CCAR2: variants seen among roughly 807,000 people sequenced by gnomAD.
CCAR2 encodes cell cycle and apoptosis regulator 2.
Under a neutral mutation model 108.1 loss-of-function variants are expected in CCAR2, and 21 were observed. The observed-to-expected ratio is 0.19, with a 90% CI of 0.14 to 0.28. The LOEUF (loss-of-function observed/expected upper bound fraction) is 0.28. Among genes scored for constraint, CCAR2 ranks in the 10% least tolerant of loss-of-function variants. CCAR2 has a pLI of 1.00. For missense variants in CCAR2, 1,126 were observed against 1,177.0 expected, an observed-to-expected ratio of 0.96 and a Z score of 0.63; for synonymous variants, 577 against 472.8, an observed-to-expected ratio of 1.22 and a Z score of -2.86.
chr8:22,611,707 GT>G (rs1325018029), intron 7 of CCAR2, among the ~76,000 whole-genome samples: 2 of 152,086 alleles, frequency 1.3e-5, no homozygotes, highest in Non-Finnish European at 2.9e-5. Flanking sequence ...AATCCTGAGT[GT>G]TTTAATGGCT....
chr8:22,616,280 T>C lies in CCAR2; in HGVS notation c.1845+32T>C, dbSNP rs200871235. 3.1e-4 allele frequency: 494 copies of C among 1,597,316 alleles called. No individual in the cohort carries two copies. The African/African-American group carries it at 6.2e-3, about 20-fold the overall frequency. Reference sequence around the variant, plus strand: ...ACCCTGCCACCTCGGGCTGTCATAGTGCTTACCGTGACCGCGCACCTTTAC... The same window carrying C: ...ACCCTGCCACCTCGGGCTGTCATAGCGCTTACCGTGACCGCGCACCTTTAC... On this transcript the variant is annotated intron_variant, in intron 14 of 20. Coordinates refer to ENST00000308511, the MANE Select transcript of CCAR2 (RefSeq NM_001393997.1).
chr8:22,620,647 G>C (rs551676243), downstream of CCAR2: 2 of 152,172 alleles, frequency 1.3e-5, no homozygotes, highest in Non-Finnish European at 2.9e-5. Flanking sequence ...CTGCTGCTCC[G>C]TGGAGGGCAG....
chr8:22,607,193 C>T lies in CCAR2; in HGVS notation c.358-3C>T, dbSNP rs778655163. 24 of 1,613,764 alleles carry T rather than the reference C, an allele frequency of 1.5e-5. No homozygotes were observed. The Admixed American group carries it at 3.0e-4, about 20-fold the overall frequency. On this transcript the variant is annotated splice_polypyrimidine_tract_variant and splice_region_variant and intron_variant, in intron 5 of 20. Transcript: ENST00000308511. Reference sequence around the variant, plus strand: ...CCTGAATTTCCTGGCTCCTGTTCTGCAGCCCCTACTGAAGTCCCCAGCACC... The same window carrying T: ...CCTGAATTTCCTGGCTCCTGTTCTGTAGCCCCTACTGAAGTCCCCAGCACC...
Position 22,616,583 on chromosome 8 carries a change from C to T in CCAR2, c.1845+335C>T, listed in dbSNP as rs569573973. 2.0e-3 allele frequency: 649 copies of T among 318,012 alleles called. 1 individual carries two copies. Among genetic ancestry groups the T allele is most frequent in the Middle Eastern group, 5.3e-3 (5 of 942 alleles). The allele number at this position is 318,012 out of a possible 1,614,324, so 19.7% of individuals were successfully genotyped here. ...CTGTAATCCCAGCACTTTGGGAGACCGAGGTGGGCAGATCATGAGGTCAGG... is the reference window on the plus strand; with the variant it reads ...CTGTAATCCCAGCACTTTGGGAGACTGAGGTGGGCAGATCATGAGGTCAGG... On this transcript the variant is annotated intron_variant, in intron 14 of 20. Coordinates refer to ENST00000308511, the MANE Select transcript of CCAR2 (RefSeq NM_001393997.1).
chr8:22,606,549 A>G, intron 3 of CCAR2, 58 bp from the exon 4 acceptor site: 1 of 1,356,510 alleles, frequency 7.4e-7, no homozygotes, highest in South Asian at 1.2e-5. Context: ...TTCATGGCAG[A>G]GTGTGATTTT....
chr8:22,612,210 G>T (rs1012163686), intron 7 of CCAR2, among the ~76,000 whole-genome samples: 2 of 152,146 alleles, frequency 1.3e-5, no homozygotes, highest in Admixed American at 1.3e-4. Context: ...GCCTCCCTAA[G>T]TGCTGGGATA....
chr8:22,613,041 C>T lies in CCAR2; in HGVS notation c.609C>T (p.Arg203=), dbSNP rs1563915204. 2 of 1,612,958 alleles carry T rather than the reference C, an allele frequency of 1.2e-6. No homozygotes were observed. Among genetic ancestry groups the T allele is most frequent in the South Asian group, 2.2e-5 (2 of 90,930 alleles). The change falls in exon 8 of 21, where the codon CGC becomes CGT. Residue 203 remains arginine, a synonymous_variant. Coordinates refer to ENST00000308511, the MANE Select transcript of CCAR2 (RefSeq NM_001393997.1). Reference sequence around the variant, plus strand: ...GTGATGACTATGACTCCAAGAAACGCAAACAGCGGGCTGGTGGAGAGCCCT... The same window carrying T: ...GTGATGACTATGACTCCAAGAAACGTAAACAGCGGGCTGGTGGAGAGCCCT... ...GRSDDYDSKK[R]KQRAGGEPWG... is the part of the protein sequence containing the mutation.
chr8:22,614,058 G>C (rs199676303), intron 8 of CCAR2, 34 bp from the exon 9 acceptor site: 2 of 1,570,904 alleles, frequency 1.3e-6, no homozygotes, highest in South Asian at 1.1e-5. Context: ...TTTAGTCTTT[G>C]CTCAGTCTGG....
At chr8:22,615,317 G>C (rs1474120029) in intron 11 of CCAR2, 108 bp from the exon 12 acceptor site, 1 of 1,336,046 alleles carries the variant, frequency 7.5e-7, no homozygotes. Flanking sequence ...TTGGTTCGCA[G>C]TGTGTGCTCA....
chr8:22,608,108 A>C, intron 7 of CCAR2, 43 bp downstream of exon 7: 1 of 1,404,486 alleles, frequency 7.1e-7, no homozygotes, highest in Non-Finnish European at 9.9e-7. Flanking sequence ...TGTTGACACT[A>C]ACATTCTCTT....
chr8:22,621,357 C>T, downstream of CCAR2: 2 of 1,549,758 alleles, frequency 1.3e-6, no homozygotes, highest in Non-Finnish European at 1.7e-6. Context: ...AGCAGCTAGC[C>T]CTGAGAAGGG....
In CCAR2 at chr8:22,614,681, C is replaced by G. The variant is rs188946658; in HGVS notation, c.1042-157C>G. 2.8e-6 allele frequency: 3 copies of G among 1,067,932 alleles called. No homozygotes were observed. In the South Asian group the frequency reaches 4.0e-5, roughly 14 times the overall value. The allele number at this position is 1,067,932 out of a possible 1,614,324, so 66.2% of individuals were successfully genotyped here. A position where few individuals can be genotyped will look rare whatever the true frequency, so the allele number is the denominator to read the frequency against. On this transcript the variant is annotated intron_variant, in intron 10 of 20. Coordinates refer to ENST00000308511, the MANE Select transcript of CCAR2 (RefSeq NM_001393997.1). ...AGCTGTTACGACTAGTCAGAGAGAG[C>G]GAGGTGGCTGGTTCATGTTTGCAGA...
intron 7 of CCAR2, among the ~76,000 whole-genome samples, chr8:22,608,547 C>T (rs1321200705): frequency 6.6e-6 from 1 of 152,174 alleles, no homozygotes; most frequent in Non-Finnish European, 1.5e-5. Context: ...GGCCCCCGTG[C>T]CTTGGACACA....
In CCAR2 at chr8:22,614,285, G is replaced by A; in HGVS notation, c.898G>A (p.Ala300Thr). 1 of 1,614,088 alleles carries A rather than the reference G, an allele frequency of 6.2e-7. No homozygotes were observed. Among genetic ancestry groups the A allele is most frequent in the South Asian group, 1.1e-5 (1 of 91,090 alleles). Residue 300 changes from alanine to threonine, a missense_variant, in exon 9 of 21, where the codon GCA becomes ACA. Coordinates refer to ENST00000308511, the MANE Select transcript of CCAR2 (RefSeq NM_001393997.1). ...APDAGAEPIT[A>T]DSDPAYSSKV... ...AGACGCTGGTGCTGAGCCCATCACT[G>A]CAGACAGTGACCCCGCTTATAGTTC...
intron 11 of CCAR2, 54 bp downstream of exon 11, chr8:22,615,055 T>C (rs1355601980): frequency 1.1e-5 from 16 of 1,488,344 alleles, no homozygotes; most frequent in African/African-American, 1.4e-5. Context: ...TGGGGAGGTT[T>C]TGTTGGGAAG....
chr8:22,606,268 T>C (rs1403619263), intron 3 of CCAR2, 92 bp downstream of exon 3: 2 of 1,087,724 alleles, frequency 1.8e-6, no homozygotes, highest in East Asian at 2.4e-5. Flanking sequence ...ATAGTGTTTA[T>C]CATTCCTGAT....
chr8:22,621,116 C>T (rs1801785609), downstream of CCAR2: 1 of 328,206 alleles, frequency 3.0e-6, no homozygotes, highest in Non-Finnish European at 5.6e-6. Flanking sequence ...CAACGAAGCC[C>T]ATGGCCTCAG....
intron 3 of CCAR2, 123 bp from the exon 4 acceptor site, chr8:22,606,484 C>T: frequency 1.3e-6 from 1 of 766,078 alleles, no homozygotes; most frequent in South Asian, 1.6e-5. Flanking sequence ...GTACTTCACT[C>T]TGTGCGAACT....
intron 11 of CCAR2, chr8:22,615,208 C>A: frequency 1.2e-6 from 1 of 859,758 alleles, no homozygotes; most frequent in South Asian, 1.8e-5. Flanking sequence ...CTGGAGTTGT[C>A]CTTGCACCTT....
Sources: gnomAD v4.1 joint callset for allele counts (sites outside exome capture counted in the v4.1 genomes callset) on GRCh38, gnomAD v4.1.1 for gene constraint, MANE v1.5 for transcripts, NCBI Gene and HGNC (gene_info 2026-07-23, HGNC 2026-07-21) for gene names.